SNX24: variants seen among roughly 807,000 people sequenced by gnomAD.
SNX24 encodes sorting nexin-24.
In SNX24, 22 loss-of-function variants were observed where a neutral mutation model predicts 28.7. The observed-to-expected ratio is 0.77, with a 90% CI of 0.55 to 1.10. SNX24 has a LOEUF of 1.10. Ranked by LOEUF, SNX24 falls within the 50% of genes least tolerant of loss-of-function variation. The pLI is 0.00. For missense variants in SNX24, 221 were observed against 201.1 expected, an observed-to-expected ratio of 1.10 and a Z score of -0.60; for synonymous variants, 69 against 71.5, an observed-to-expected ratio of 0.96 and a Z score of 0.18.
intron 1 of SNX24, among the ~76,000 whole-genome samples, chr5:122,906,113 G>A (rs969684824): frequency 6.6e-6 from 1 of 152,318 alleles, no homozygotes; most frequent in East Asian, 1.9e-4. Context: ...CATTCTTAGG[G>A]TGACCATACA....
intron 1 of SNX24, chr5:122,891,094 T>C: frequency 6.5e-7 from 1 of 1,534,258 alleles, no homozygotes; most frequent in Non-Finnish European, 8.8e-7. Flanking sequence ...GTTCTGGAAA[T>C]TGCTTTTTCA....
At chr5:122,955,685 A>G (rs1760173885) in intron 3 of SNX24, among the ~76,000 whole-genome samples, 1 of 152,178 alleles carries the variant, frequency 6.6e-6, no homozygotes, top group South Asian at 2.1e-4. Context: ...GTTCTTTGCT[A>G]GATTTCATCT....
chr5:123,004,879 A>T (rs1762370843), intron 6 of SNX24, among the ~76,000 whole-genome samples: 2 of 93,272 alleles, frequency 2.1e-5, no homozygotes. Context: ...CTACCCATTC[A>T]CAATACATGT....
intron 1 of SNX24, among the ~76,000 whole-genome samples, chr5:122,888,535 T>C (rs1384202636): frequency 6.6e-6 from 1 of 152,228 alleles, no homozygotes; most frequent in Non-Finnish European, 1.5e-5. Context: ...TGGATCATAA[T>C]AAGCACTTCA....
chr5:122,944,352 C>A (rs987193694), intron 2 of SNX24, among the ~76,000 whole-genome samples: 6 of 152,160 alleles, frequency 3.9e-5, no homozygotes, highest in Non-Finnish European at 7.3e-5. Context: ...AACTCTGTCA[C>A]CTGGTCACCC....
intron 2 of SNX24, among the ~76,000 whole-genome samples, chr5:122,942,257 A>G (rs992103820): frequency 2.6e-5 from 4 of 152,266 alleles, no homozygotes; most frequent in African/African-American, 2.4e-5. Flanking sequence ...TTCATTTTTT[A>G]TTATTGACTA....
At chr5:122,993,563 G>A (rs1841994) in intron 3 of SNX24, among the ~76,000 whole-genome samples, 28,647 of 152,060 alleles carry the variant, frequency 0.19, 3,556 homozygotes, top group Non-Finnish European at 0.29. Flanking sequence ...GCCTCCCAAA[G>A]TGCTGGGATT....
chr5:122,921,479 C>G (rs1473448827), intron 1 of SNX24, among the ~76,000 whole-genome samples: 1 of 152,052 alleles, frequency 6.6e-6, no homozygotes, highest in Non-Finnish European at 1.5e-5. Context: ...TCTATGTGTC[C>G]TGACTTGTGG....
intron 1 of SNX24, chr5:122,890,952 T>C: frequency 8.0e-7 from 1 of 1,256,228 alleles, no homozygotes; most frequent in Non-Finnish European, 1.0e-6. Context: ...CTGCAAGGAT[T>C]TTAAAGTAAA....
intron 3 of SNX24, among the ~76,000 whole-genome samples, chr5:122,990,196 C>A (rs1761778610): frequency 6.6e-6 from 1 of 152,204 alleles, no homozygotes; most frequent in South Asian, 2.1e-4. Context: ...CTAACCATTT[C>A]CCACTATTTT....
chr5:122,955,155 T>A (rs759978381), intron 3 of SNX24, among the ~76,000 whole-genome samples: 2 of 152,134 alleles, frequency 1.3e-5, no homozygotes, highest in African/African-American at 2.4e-5. Flanking sequence ...TGCATTCCAC[T>A]GTTGAACCCT....
intron 1 of SNX24, among the ~76,000 whole-genome samples, chr5:122,891,427 G>C (rs995814216): frequency 1.3e-5 from 2 of 152,148 alleles, no homozygotes; most frequent in Admixed American, 1.3e-4. Flanking sequence ...AGTAATCATG[G>C]TTATCTAGGG....
intron 1 of SNX24, among the ~76,000 whole-genome samples, chr5:122,890,783 T>G (rs934464357): frequency 5.3e-5 from 8 of 152,166 alleles, no homozygotes; most frequent in Admixed American, 5.2e-4. Flanking sequence ...GAGGGAACTT[T>G]TAAAGCATGA....
At chr5:123,025,749 T>C (rs1031721725) in intron 5 of SNX24, 10 of 1,584,352 alleles carry the variant, frequency 6.3e-6, no homozygotes, top group African/African-American at 1.4e-5. Flanking sequence ...AATAAAAATA[T>C]AAAGCTTTGA....
chr5:122,921,215 T>C (rs769271633), intron 1 of SNX24, among the ~76,000 whole-genome samples: 2 of 152,176 alleles, frequency 1.3e-5, no homozygotes, highest in Non-Finnish European at 2.9e-5. Context: ...CAATTGGATG[T>C]ACTATTTATC....
downstream of SNX24, among the ~76,000 whole-genome samples, chr5:123,011,075 G>A (rs1189615970): frequency 1.3e-5 from 2 of 152,176 alleles, no homozygotes; most frequent in African/African-American, 4.8e-5. Context: ...ATGGACCACA[G>A]TGTTAATAGT....
In SNX24 at chr5:122,911,045, G is replaced by C. The variant is rs199847400; in HGVS notation, c.61-25689G>C. ...TCTAGATCCCTGAGGAATCGCCACA[G>C]TGACTTCCACAATGGTTGAACTAGT... On this transcript the variant is annotated intron_variant, in intron 1 of 6. Coordinates refer to ENST00000261369, the MANE Select transcript of SNX24 (RefSeq NM_014035.4). Among the ~76,000 whole-genome samples, 42 of 150,598 alleles carry C rather than the reference G, an allele frequency of 2.8e-4. 2 individuals carry two copies. Among genetic ancestry groups the C allele is most frequent in the South Asian group, 6.4e-4 (3 of 4,714 alleles).
intron 3 of SNX24, among the ~76,000 whole-genome samples, chr5:122,968,084 TTC>T (rs1270237874): frequency 6.6e-6 from 1 of 152,164 alleles, no homozygotes; most frequent in South Asian, 2.1e-4. Context: ...ACCTATAAAA[TTC>T]TCTCTACCTC....
chr5:122,922,072 C>G (rs1654909411), intron 1 of SNX24, among the ~76,000 whole-genome samples: 1 of 152,166 alleles, frequency 6.6e-6, no homozygotes, highest in Admixed American at 6.5e-5. Context: ...GAGGCCCGAC[C>G]TTGTTAGATT....
Sources: allele counts gnomAD v4.1 joint callset (sites outside exome capture counted in the v4.1 genomes callset), GRCh38; gene constraint gnomAD v4.1.1; transcripts MANE v1.5; gene names NCBI Gene and HGNC (gene_info 2026-07-23, HGNC 2026-07-21).